Variants in ANK3 observed in about 807,000 individuals in gnomAD.
ANK3 encodes ankyrin 3.
Under a neutral mutation model 370.9 loss-of-function variants are expected in ANK3, and 57 were observed. The observed-to-expected ratio is 0.15, with a 90% confidence interval of 0.12 to 0.19. The LOEUF is 0.19. Ranked by LOEUF, ANK3 falls within the 10% of genes least tolerant of loss-of-function variation. The pLI is 1.00. For synonymous variants in ANK3, 1,929 were observed against 1,946.3 expected (o/e 0.99, Z 0.23); for missense variants, 4,439 against 5,302.1 (o/e 0.84, Z 5.06).
At chr10:60,572,802 A>G in intron 2 of ANK3, 1 of 1,212,286 alleles carries the variant, frequency 8.2e-7, no homozygotes, top group Non-Finnish European at 1.0e-6. Flanking sequence ...TTAGCCTTTC[A>G]TTTTTAACTA....
At chr10:60,537,632 AAATT>A (rs2076754358) in intron 2 of ANK3, among the ~76,000 whole-genome samples, 1 of 152,016 alleles carries the variant, frequency 6.6e-6, no homozygotes, top group Non-Finnish European at 1.5e-5. Context: ...AAGAAAATGG[AAATT>A]AATTTATGTC....
intron 2 of ANK3, among the ~76,000 whole-genome samples, chr10:60,612,050 C>T (rs1453388741): frequency 6.6e-6 from 1 of 151,934 alleles, no homozygotes; most frequent in African/African-American, 2.4e-5. Flanking sequence ...TTACCTAATC[C>T]CAGGAGGATT....
intron 21 of ANK3, 34 bp from the exon 22 acceptor site, chr10:60,166,930 C>A (rs755878192): frequency 6.4e-7 from 1 of 1,559,006 alleles, no homozygotes; most frequent in South Asian, 1.1e-5. Flanking sequence ...TTAGTGTGAG[C>A]AGACTGTACA....
Position 60,436,114 on chromosome 10 carries a change from A to T in ANK3, c.97-156475T>A, listed in dbSNP as rs146493066. Among the ~76,000 whole-genome samples the T allele has an allele frequency of 8.9e-3, 1,348 of 152,138 alleles. 7 individuals are homozygous for T. The highest frequency in any genetic ancestry group is 0.011 in the South Asian group (54 of 4,804). On this transcript the variant is annotated intron_variant, in intron 2 of 43. Coordinates refer to the ANK3 transcript ENST00000373827. ...AAAAAAAAATAAATAAATAAATAAA[A>T]AAAATAAAGTCTCATCAATGTAGCA...
chr10:60,561,546 T>C (rs924177788), intron 2 of ANK3, among the ~76,000 whole-genome samples: 1 of 152,242 alleles, frequency 6.6e-6, no homozygotes, highest in African/African-American at 2.4e-5. Context: ...TCAGGTATCA[T>C]GTATCCCCAG....
chr10:60,433,998 A>G (rs1189203036), intron 2 of ANK3, among the ~76,000 whole-genome samples: 1 of 152,242 alleles, frequency 6.6e-6, no homozygotes, highest in African/African-American at 2.4e-5. Context: ...CACAGCAAGT[A>G]CCAGCTATGT....
chr10:60,589,814 G>A (rs560516460), intron 2 of ANK3, among the ~76,000 whole-genome samples: 175 of 152,264 alleles, frequency 1.1e-3, no homozygotes, highest in African/African-American at 3.8e-3. Context: ...TTTTTTAAAT[G>A]TACTATTTCA....
intron 2 of ANK3, among the ~76,000 whole-genome samples, chr10:60,614,860 G>A (rs1266488899): frequency 6.6e-6 from 1 of 152,090 alleles, no homozygotes. Flanking sequence ...TCAGTCTCCA[G>A]GGGGTCTTGG....
chr10:60,063,481 G>A (rs1427595406), intron 39 of ANK3, among the ~76,000 whole-genome samples: 6 of 152,156 alleles, frequency 3.9e-5, no homozygotes, highest in Non-Finnish European at 7.4e-5. Flanking sequence ...GGAACAGTGC[G>A]GATGGGCCTT....
At chr10:60,408,758 G>T (rs559216408) in intron 2 of ANK3, among the ~76,000 whole-genome samples, 6 of 152,092 alleles carry the variant, frequency 3.9e-5, no homozygotes, top group Admixed American at 1.3e-4. Context: ...CACAGAAAAC[G>T]CTTCCGTCAC....
chr10:60,477,931 C>T (rs146933144), intron 2 of ANK3, among the ~76,000 whole-genome samples: 260 of 152,084 alleles, frequency 1.7e-3, no homozygotes, highest in African/African-American at 5.9e-3. Context: ...GAAGGACATT[C>T]CTAGGATAAT....
intron 2 of ANK3, among the ~76,000 whole-genome samples, chr10:60,570,052 T>G (rs978107517): frequency 1.3e-5 from 2 of 152,200 alleles, no homozygotes; most frequent in African/African-American, 4.8e-5. Context: ...AACAAAATAT[T>G]GTATCCTTTT....
intron 16 of ANK3, among the ~76,000 whole-genome samples, chr10:60,195,349 A>C (rs1490271693): frequency 6.8e-6 from 1 of 146,914 alleles, no homozygotes; most frequent in Non-Finnish European, 1.5e-5. Context: ...GCGCCACTGC[A>C]CTCCAGCCTG....
intron 2 of ANK3, among the ~76,000 whole-genome samples, chr10:60,413,260 T>C (rs542986495): frequency 7.9e-5 from 12 of 152,362 alleles, no homozygotes; most frequent in Non-Finnish European, 8.8e-5. Flanking sequence ...TCTGATGCTA[T>C]GGCACATAGT....
chr10:60,698,070 C>T (rs1385763323), intron 1 of ANK3, among the ~76,000 whole-genome samples: 4 of 152,034 alleles, frequency 2.6e-5, no homozygotes, highest in African/African-American at 9.7e-5. Flanking sequence ...AAAAAACAAA[C>T]CCCATCAAAA....
chr10:60,143,684 C>T (rs1377692680), intron 23 of ANK3, among the ~76,000 whole-genome samples: 1 of 152,174 alleles, frequency 6.6e-6, no homozygotes, highest in East Asian at 1.9e-4. Context: ...CTCCAATGAA[C>T]TATGTTTCCT....
intron 23 of ANK3, among the ~76,000 whole-genome samples, chr10:60,161,600 A>AATTGGAG (rs2095501800): frequency 6.6e-6 from 1 of 152,152 alleles, no homozygotes; most frequent in Admixed American, 6.5e-5. Flanking sequence ...ACATGGATGG[A>AATTGGAG]ATTGGAGACA....
intron 2 of ANK3, among the ~76,000 whole-genome samples, chr10:60,437,553 A>G (rs2064189371): frequency 6.6e-6 from 1 of 152,186 alleles, no homozygotes; most frequent in Non-Finnish European, 1.5e-5. Context: ...GGACTTAATA[A>G]CTATTGCTAA....
intron 23 of ANK3, among the ~76,000 whole-genome samples, chr10:60,145,554 G>A (rs913450180): frequency 4.6e-5 from 7 of 152,042 alleles, no homozygotes; most frequent in African/African-American, 1.7e-4. Flanking sequence ...ACTGTGTTTG[G>A]TGTTTTATAT....
Sources: allele counts gnomAD v4.1 joint callset (sites outside exome capture counted in the v4.1 genomes callset), GRCh38; gene constraint gnomAD v4.1.1; transcripts MANE v1.5; gene names NCBI Gene and HGNC (gene_info 2026-07-23, HGNC 2026-07-21).